NF2: variants seen among roughly 807,000 people sequenced by gnomAD.
The protein encoded by NF2 is NF2, moesin-ezrin-radixin like (MERLIN) tumor suppressor.
NF2 carries 8 observed loss-of-function variants against 83.7 expected under a neutral mutation model. The observed-to-expected ratio is 0.10, with a 90% CI of 0.06 to 0.17. The LOEUF is 0.17. Among genes scored for constraint, NF2 ranks in the 10% least tolerant of loss-of-function variants. NF2 has a pLI of 1.00. For missense variants in NF2, 533 were observed against 744.4 expected, an observed-to-expected ratio of 0.72 and a Z score of 3.31; for synonymous variants, 266 against 269.6, an observed-to-expected ratio of 0.99 and a Z score of 0.13.
intron 1 of NF2, among the ~76,000 whole-genome samples, chr22:29,631,487 G>A (rs562129832): frequency 5.3e-4 from 80 of 152,272 alleles, no homozygotes; most frequent in African/African-American, 1.9e-3. Context: ...ACAGTGTCTT[G>A]TCCTCAATTC....
intron 1 of NF2, among the ~76,000 whole-genome samples, chr22:29,613,885 G>A (rs1481308606): frequency 1.3e-5 from 2 of 150,898 alleles, no homozygotes; most frequent in Non-Finnish European, 2.9e-5. Flanking sequence ...TCAGCCTCCT[G>A]AGTACCTGGA....
rs143339501 is a variant in NF2 at position 29,690,509 on chromosome 22, G to A, written c.1738-4243G>A. On this transcript the variant is annotated intron_variant, in intron 15 of 15. Coordinates refer to ENST00000338641, the MANE Select transcript of NF2 (RefSeq NM_000268.4). ...AGGGACCCTGCCGGGGCTGAGTCTCGATGTTGGGCAGGAAGTAAAAGCCAG... is the reference window on the plus strand; with the variant it reads ...AGGGACCCTGCCGGGGCTGAGTCTCAATGTTGGGCAGGAAGTAAAAGCCAG... Among the ~76,000 whole-genome samples the A allele has an allele frequency of 1.1e-4, 16 of 152,266 alleles. No homozygotes were observed. The South Asian group carries it at 1.9e-3, about 18-fold the overall frequency.
chr22:29,645,479 A>G (rs2065957766), intron 4 of NF2, among the ~76,000 whole-genome samples: 4 of 152,226 alleles, frequency 2.6e-5, no homozygotes, highest in Admixed American at 2.6e-4. Context: ...ACTAAAACAT[A>G]TGCTTCCTTT....
Position 29,639,142 on chromosome 22 carries a change from C to T in NF2, c.293C>T (p.Ala98Val), listed in dbSNP as rs1060503668. Residue 98 changes from alanine (A) to valine (V), a missense_variant, in exon 3 of 16, where the codon GCC (alanine) becomes GTC (valine). This residue lies in a region of NF2 where 326 missense variants were observed against 475.1 expected (regional missense o/e 0.69). Coordinates refer to ENST00000338641, the MANE Select transcript of NF2 (RefSeq NM_000268.4). ...GAACCAGTCACCTTTCACTTCTTGG[C>T]CAAATTTTATCCTGAGAATGCTGAA... The part of the protein sequence containing the change: ...KEEPVTFHFL[A>V]KFYPENAEEE... 2.5e-6 allele frequency: 4 copies of T among 1,614,152 alleles called. No individual in the cohort carries two copies. The South Asian group carries it at 4.4e-5, about 18-fold the overall frequency.
chr22:29,660,369 A>T (rs2066442015), intron 7 of NF2, among the ~76,000 whole-genome samples: 1 of 152,208 alleles, frequency 6.6e-6, no homozygotes, highest in South Asian at 2.1e-4. Flanking sequence ...ACTTACAGGA[A>T]AACTGAAAGA....
At chr22:29,649,573 C>G (rs1225762724) in intron 4 of NF2, among the ~76,000 whole-genome samples, 2 of 151,820 alleles carry the variant, frequency 1.3e-5, no homozygotes, top group East Asian at 3.9e-4. Flanking sequence ...CAAAACAAAA[C>G]AAAAGACAAA....
chr22:29,693,823 G>C (rs1321463434), intron 15 of NF2, among the ~76,000 whole-genome samples: 1 of 152,202 alleles, frequency 6.6e-6, no homozygotes, highest in Non-Finnish European at 1.5e-5. Context: ...GAATGGTACA[G>C]ACTCCCTCCC....
At chr22:29,656,278 A>G (rs2066304024) in intron 6 of NF2, among the ~76,000 whole-genome samples, 1 of 151,628 alleles carries the variant, frequency 6.6e-6, no homozygotes, top group Non-Finnish European at 1.5e-5. Context: ...TGGCTATCCC[A>G]TTGCTTTTGC....
chr22:29,616,334 G>T (rs957635332), intron 1 of NF2, among the ~76,000 whole-genome samples: 3 of 152,082 alleles, frequency 2.0e-5, no homozygotes, highest in African/African-American at 7.2e-5. Flanking sequence ...TATATATCAA[G>T]ATGTTTAAAA....
At chr22:29,637,588 A>G (rs2065681673) in intron 2 of NF2, among the ~76,000 whole-genome samples, 1 of 152,222 alleles carries the variant, frequency 6.6e-6, no homozygotes, top group South Asian at 2.1e-4. Context: ...AGTAACTCCT[A>G]AAAGACACCT....
intron 3 of NF2, among the ~76,000 whole-genome samples, chr22:29,641,426 A>G (rs1272708694): frequency 2.0e-5 from 3 of 152,118 alleles, no homozygotes; most frequent in Admixed American, 2.0e-4. Context: ...TTTTCCCCAT[A>G]CTGAAATGTT....
chr22:29,630,803 C>T (rs992182879), intron 1 of NF2, among the ~76,000 whole-genome samples: 7 of 152,176 alleles, frequency 4.6e-5, no homozygotes, highest in Non-Finnish European at 8.8e-5. Context: ...GCGTGGAAAG[C>T]GATGGGGTTA....
At chr22:29,683,617 G>T in intron 15 of NF2, 1 of 1,091,856 alleles carries the variant, frequency 9.2e-7, no homozygotes, top group Non-Finnish European at 1.1e-6. Flanking sequence ...TTCAAATAAA[G>T]CAAACCCAGA....
intron 4 of NF2, among the ~76,000 whole-genome samples, chr22:29,648,647 G>A (rs1028659719): frequency 2.0e-5 from 3 of 152,158 alleles, no homozygotes; most frequent in African/African-American, 4.8e-5. Context: ...TTCTTTTTGA[G>A]ACAGCAGTCT....
intron 6 of NF2, among the ~76,000 whole-genome samples, 169 bp from the exon 7 acceptor site, chr22:29,658,020 A>G (rs1601618052): frequency 6.6e-6 from 1 of 152,134 alleles, no homozygotes; most frequent in Admixed American, 6.5e-5. Flanking sequence ...AGTGTGTTTA[A>G]TAGACTCAGG....
intron 15 of NF2, chr22:29,683,711 A>G (rs1477205903): frequency 4.7e-6 from 5 of 1,071,386 alleles, no homozygotes; most frequent in African/African-American, 1.6e-5. Flanking sequence ...CTTCCTCTCC[A>G]TAGGCTGAGC....
intron 1 of NF2, among the ~76,000 whole-genome samples, chr22:29,612,436 T>C (rs934529138): frequency 2.6e-5 from 4 of 151,756 alleles, no homozygotes; most frequent in African/African-American, 9.7e-5. Context: ...GATCCTCCTA[T>C]ATCAGCCTCC....
chr22:29,639,881 C>CAAAAA (rs763315832), intron 3 of NF2, among the ~76,000 whole-genome samples: 11 of 21,184 alleles, frequency 5.2e-4, no homozygotes, highest in Non-Finnish European at 7.7e-4. Flanking sequence ...GGTTCCGTCT[C>CAAAAA]AAAAAAAAAA....
At chr22:29,629,428 A>C (rs781295023) in intron 1 of NF2, among the ~76,000 whole-genome samples, 10 of 152,220 alleles carry the variant, frequency 6.6e-5, no homozygotes, top group South Asian at 2.1e-4. Context: ...CAAAAGTTGT[A>C]TTCAGGTTAG....
Sources: allele counts gnomAD v4.1 joint callset (sites outside exome capture counted in the v4.1 genomes callset), GRCh38; gene constraint gnomAD v4.1.1; regional missense constraint gnomAD v4.1.1; transcripts MANE v1.5; gene names NCBI Gene and HGNC (gene_info 2026-07-23, HGNC 2026-07-21).